The following DSCAM variants were observed in gnomAD, a reference collection of about 807,000 sequenced individuals.
DSCAM encodes the protein cell adhesion molecule DSCAM.
A neutral mutation model predicts 217.7 loss-of-function variants in DSCAM; 47 were observed. That is an observed-to-expected ratio of 0.22 (90% CI 0.17 to 0.28). The LOEUF is 0.28. Among genes scored for constraint, DSCAM ranks in the 10% least tolerant of loss-of-function variants. The probability of loss-of-function intolerance (pLI) is 1.00; values close to 1 mark genes in which losing one functional copy is unlikely to be tolerated. For synonymous variants in DSCAM, 1,056 were observed against 1,015.3 expected (o/e 1.04, Z -0.76); for missense variants, 2,080 against 2,618.3 (o/e 0.79, Z 4.49).
chr21:40,219,489 C>T (rs907415499), intron 11 of DSCAM, among the ~76,000 whole-genome samples: 1 of 152,158 alleles, frequency 6.6e-6, no homozygotes, highest in African/African-American at 2.4e-5. Flanking sequence ...CTTCATTAAG[C>T]TATTTAGAGA....
chr21:40,838,040 T>C (rs1339116194), intron 1 of DSCAM, among the ~76,000 whole-genome samples: 1 of 152,182 alleles, frequency 6.6e-6, no homozygotes, highest in East Asian at 1.9e-4. Context: ...GAATCTTGAG[T>C]TTCTCTCGTG....
chr21:40,186,237 C>T lies in DSCAM; in HGVS notation c.2779+894G>A, dbSNP rs185325528. 1.6e-4 allele frequency among the ~76,000 whole-genome samples: 24 copies of T among 152,228 alleles called. No homozygotes were observed. In the East Asian group the frequency reaches 3.9e-3, roughly 25 times the overall value. On this transcript the variant is annotated intron_variant, in intron 14 of 32. Coordinates refer to ENST00000400454, the MANE Select transcript of DSCAM (RefSeq NM_001389.5). ...ACTCCTGACCTGTGGTTCCCAGCTG[C>T]CTTGAGCTTGATTTTTTACTACAGC...
At chr21:40,762,959 G>A (rs1441837652) in intron 1 of DSCAM, among the ~76,000 whole-genome samples, 1 of 152,138 alleles carries the variant, frequency 6.6e-6, no homozygotes, top group Non-Finnish European at 1.5e-5. Context: ...AATAAGAGCT[G>A]TTTATGACAA....
At position 40,016,663 on chromosome 21, in the gene DSCAM, GA is replaced by G; in HGVS notation, c.5687-3278del. Among the ~76,000 whole-genome samples, 1 of 152,352 alleles carries G rather than the reference GA, an allele frequency of 6.6e-6. No individual in the cohort carries two copies. Among genetic ancestry groups the G allele is most frequent in the East Asian group, 1.9e-4 (1 of 5,178 alleles). Reference sequence around the variant, plus strand: ...AGGCCCCGAAGGTGCAGGCTGAGGGGATCTGAGACCACCTGAGCCAAGTGAG... The same window carrying G: ...AGGCCCCGAAGGTGCAGGCTGAGGGGTCTGAGACCACCTGAGCCAAGTGAG... On this transcript the variant is annotated intron_variant, in intron 32 of 32. Transcript: ENST00000400454. This position sits in a 1 kb window ranked among gnomAD's most constrained non-coding sequence, Gnocchi z 4.3.
intron 3 of DSCAM, among the ~76,000 whole-genome samples, chr21:40,450,715 T>C (rs565748856): frequency 7.2e-5 from 11 of 152,360 alleles, no homozygotes; most frequent in South Asian, 4.1e-4. Context: ...ATGATTGTTA[T>C]TGAATATACT....
chr21:40,462,865 G>A (rs778381398), intron 3 of DSCAM, among the ~76,000 whole-genome samples: 1 of 152,114 alleles, frequency 6.6e-6, no homozygotes, highest in Non-Finnish European at 1.5e-5. Flanking sequence ...TGGGGGCCAG[G>A]AGAAGAGTCA....
chr21:40,319,805 T>C (rs949874827), intron 8 of DSCAM, among the ~76,000 whole-genome samples: 1 of 152,154 alleles, frequency 6.6e-6, no homozygotes, highest in Admixed American at 6.5e-5. Context: ...TTCACAATTC[T>C]CACTCAGAGT....
chr21:40,491,121 TAG>T (rs1033865039), intron 3 of DSCAM, among the ~76,000 whole-genome samples: 2 of 152,206 alleles, frequency 1.3e-5, no homozygotes, highest in Non-Finnish European at 2.9e-5. Flanking sequence ...AGTGCAATTT[TAG>T]AGTCTAAAAT....
At chr21:40,039,080 G>A (rs1175621278) in intron 32 of DSCAM, among the ~76,000 whole-genome samples, 2 of 151,884 alleles carry the variant, frequency 1.3e-5, no homozygotes, top group Non-Finnish European at 2.9e-5. Flanking sequence ...TGACCAGTTA[G>A]TGGGTGCAGC....
intron 1 of DSCAM, among the ~76,000 whole-genome samples, chr21:40,766,669 CAAAAAAA>C (rs34935219): frequency 1.4e-4 from 9 of 66,640 alleles, no homozygotes; most frequent in Admixed American, 5.4e-4. Context: ...ACAACAATTC[CAAAAAAA>C]AAAAAAAAAA....
At position 40,013,126 on chromosome 21, in the gene DSCAM, C is replaced by T. The variant is rs764924569; in HGVS notation, c.5947G>A (p.Ala1983Thr). The T allele has an allele frequency of 3.1e-6, 5 of 1,610,316 alleles. No individual in the cohort carries two copies. In the African/African-American group the frequency reaches 6.7e-5, roughly 22 times the overall value. The change falls in exon 33 of 33, where the codon GCT becomes ACT. Residue 1983 changes from alanine to threonine, a missense_variant. By Grantham distance (58) the Ala-to-Thr change is moderately conservative. Around this residue, in one of 5 missense-constraint regions of DSCAM, gnomAD observed 145 missense variants for 138.5 expected, o/e 1.05. Coordinates refer to ENST00000400454, the MANE Select transcript of DSCAM (RefSeq NM_001389.5). ...GATTCTTGGGAGCTGCTCATTTTAG[C>T]TGCCTGTCCCAGCTCTGCTCCCTCC... is the stretch of plus-strand genomic sequence containing the variant. Reference protein sequence around the residue: ...QREGAELGQAAKMSSSQESLL... With the variant: ...QREGAELGQATKMSSSQESLL...
intron 3 of DSCAM, among the ~76,000 whole-genome samples, chr21:40,637,154 T>C (rs1268082212): frequency 1.6e-5 from 1 of 61,602 alleles, no homozygotes; most frequent in East Asian, 4.1e-4. Flanking sequence ...TATATAAATA[T>C]ATATAAATAT....
intron 3 of DSCAM, among the ~76,000 whole-genome samples, chr21:40,474,544 G>C (rs902711122): frequency 1.3e-5 from 2 of 152,102 alleles, no homozygotes; most frequent in Non-Finnish European, 1.5e-5. Flanking sequence ...CAGCAGCCGC[G>C]GGAGCTGCCG....
At chr21:40,518,660 ATATATG>A (rs968182665) in intron 3 of DSCAM, among the ~76,000 whole-genome samples, 1 of 137,474 alleles carries the variant, frequency 7.3e-6, no homozygotes, top group African/African-American at 2.8e-5. Context: ...ATATGTGTAT[ATATATG>A]TGTATGTGTG....
chr21:40,637,456 TAC>T (rs1191187569), intron 3 of DSCAM, among the ~76,000 whole-genome samples: 1 of 37,354 alleles, frequency 2.7e-5, no homozygotes, highest in Non-Finnish European at 4.4e-5. Context: ...TATAAATATA[TAC>T]AAATATATAT....
intron 11 of DSCAM, among the ~76,000 whole-genome samples, chr21:40,238,029 G>A (rs2073101851): frequency 6.6e-6 from 1 of 152,198 alleles, no homozygotes; most frequent in South Asian, 2.1e-4. Flanking sequence ...ATAGTTTTCT[G>A]TCTACCAAAG....
Position 40,740,450 on chromosome 21 carries a change from A to G in DSCAM, c.44-31679T>C, listed in dbSNP as rs569608279. 3.9e-5 allele frequency among the ~76,000 whole-genome samples: 6 copies of G among 152,318 alleles called. No homozygotes were observed. The South Asian group carries it at 8.3e-4, about 21-fold the overall frequency. ...TGCCTCCTCCCCCAATATGTTTCCC[A>G]CACATTAGAGCCATTGGGAATAAAA... is the stretch of plus-strand genomic sequence containing the variant. On this transcript the variant is annotated intron_variant, in intron 1 of 32. Transcript: ENST00000400454.
chr21:40,762,286 A>G (rs2091343982), intron 1 of DSCAM, among the ~76,000 whole-genome samples: 1 of 152,246 alleles, frequency 6.6e-6, no homozygotes, highest in Non-Finnish European at 1.5e-5. Flanking sequence ...GGATATCACC[A>G]CTGATCCCAC....
At chr21:40,741,546 A>G (rs1384733099) in intron 1 of DSCAM, among the ~76,000 whole-genome samples, 2 of 151,964 alleles carry the variant, frequency 1.3e-5, no homozygotes, top group African/African-American at 2.4e-5. Context: ...TCAGCCCCCA[A>G]ACTCAGAGTG....
Sources: gnomAD v4.1 joint callset for allele counts (sites outside exome capture counted in the v4.1 genomes callset) on GRCh38, gnomAD v4.1.1 for gene constraint, gnomAD v4.1.1 regional missense constraint, Gnocchi (gnomAD v3.1) non-coding constraint, MANE v1.5 for transcripts, NCBI Gene and HGNC (gene_info 2026-07-23, HGNC 2026-07-21) for gene names.